The following DCAF6 variants were observed in gnomAD, a reference collection of about 807,000 sequenced individuals.
DCAF6 encodes DDB1- and CUL4-associated factor 6.
In DCAF6, 54 loss-of-function variants were observed where a neutral mutation model predicts 125.1. The observed-to-expected ratio is 0.43, with a 90% CI of 0.35 to 0.54. The LOEUF is 0.54. DCAF6 is among the 20% of genes least tolerant of loss of function. DCAF6 has a pLI of 0.01. For missense variants in DCAF6, 934 were observed against 1,161.7 expected, an observed-to-expected ratio of 0.80 and a Z score of 2.85; for synonymous variants, 371 against 390.4, an observed-to-expected ratio of 0.95 and a Z score of 0.58.
chr1:168,019,045 CTCTT>C (rs1355636022), intron 11 of DCAF6, among the ~76,000 whole-genome samples: 3 of 151,584 alleles, frequency 2.0e-5, no homozygotes, highest in South Asian at 2.1e-4. Flanking sequence ...AATGTACTCT[CTCTT>C]TTTTTTTTTT....
At chr1:167,967,799 C>T (rs1374834400) in intron 3 of DCAF6, among the ~76,000 whole-genome samples, 4 of 142,314 alleles carry the variant, frequency 2.8e-5, no homozygotes, top group African/African-American at 5.2e-5. Context: ...GGTGCGATCT[C>T]GGCTTACTGC....
At position 167,937,077 on chromosome 1, in the gene DCAF6, G is replaced by T. The variant is rs540813162; in HGVS notation, c.97+69G>T. 8 of 1,384,644 alleles carry T rather than the reference G, an allele frequency of 5.8e-6. No individual in the cohort carries two copies. In the East Asian group the frequency reaches 1.4e-4, roughly 25 times the overall value. 85.8% of individuals were successfully genotyped at this position (1,384,644 alleles called of 1,614,324 possible). A position where few individuals can be genotyped will look rare whatever the true frequency, so the allele number is the denominator to read the frequency against. The stretch of plus-strand genomic sequence containing the variant: ...GAGTGGGGGAGGGGGCACGCTGCCG[G>T]GTCTGTTGGAGGTGGGACGGCGTCT... On this transcript the variant is annotated intron_variant, in intron 1 of 21. Coordinates refer to ENST00000367840, the MANE Select transcript of DCAF6 (RefSeq NM_001198956.2).
At position 167,986,562 on chromosome 1, in the gene DCAF6, G is replaced by T. The variant is rs141073015; in HGVS notation, c.439-933G>T. On this transcript the variant is annotated intron_variant, in intron 4 of 21. Transcript: ENST00000367840. ...AGGAGACAATTTTTCCATGGAGTGGGGATGGTTTTGGGTTTAAAACTGTTA... is the reference window on the plus strand; with the variant it reads ...AGGAGACAATTTTTCCATGGAGTGGTGATGGTTTTGGGTTTAAAACTGTTA... Among the ~76,000 whole-genome samples the T allele has an allele frequency of 6.2e-3, 943 of 152,316 alleles. 7 individuals are homozygous for T. Among genetic ancestry groups the T allele is most frequent in the Non-Finnish European group, 9.0e-3 (615 of 68,026 alleles).
chr1:167,987,292 C>T (rs755170315), intron 4 of DCAF6, among the ~76,000 whole-genome samples: 2 of 152,120 alleles, frequency 1.3e-5, no homozygotes, highest in Non-Finnish European at 2.9e-5. Context: ...AGTACTGAAT[C>T]ATATTAATTC....
At chr1:167,916,299 T>G in the DCAF6 span, among the ~76,000 whole-genome samples, 2 of 152,182 alleles carry the variant, frequency 1.3e-5, no homozygotes, top group Non-Finnish European at 2.9e-5. Flanking sequence ...CTCCGCCTCC[T>G]GGGTTGAAGT....
At chr1:168,056,253 T>C (rs1690765592) in intron 17 of DCAF6, 1 of 1,611,760 alleles carries the variant, frequency 6.2e-7, no homozygotes, top group Admixed American at 1.7e-5. Flanking sequence ...TACCCATTCG[T>C]GTTTCTCTGT....
In DCAF6 at chr1:167,939,619, C is replaced by A. The variant is rs1671916849; in HGVS notation, c.97+2611C>A. Among the ~76,000 whole-genome samples the A allele has an allele frequency of 2.0e-5, 3 of 152,092 alleles. No individual in the cohort carries two copies. The Middle Eastern group carries it at 0.01, about 517-fold the overall frequency. ...CTTTACTAAAAATACAAAAATTAGC[C>A]GGGAGTGGTGGCGTACGCCTGTAGT... On this transcript the variant is annotated intron_variant, in intron 1 of 21. Coordinates refer to ENST00000367840, the MANE Select transcript of DCAF6 (RefSeq NM_001198956.2).
rs114320524 is a variant in DCAF6 at position 167,949,510 on chromosome 1, C to T, written c.98-2290C>T. Among the ~76,000 whole-genome samples, 695 of 152,230 alleles carry T rather than the reference C, an allele frequency of 4.6e-3. 3 individuals are homozygous for T. Among genetic ancestry groups the T allele is most frequent in the African/African-American group, 0.016 (651 of 41,534 alleles). On this transcript the variant is annotated intron_variant, in intron 1 of 21. Transcript: ENST00000367840. ...TGCTTGATAAAAGATTTAGGTTCCC[C>T]AAGTTCAAGATTCCTCAGCTGTGAT...
rs1248463061 is a variant in DCAF6 at position 168,075,550 on chromosome 1, C to G, written c.*115C>G. 23 of 957,678 alleles carry G rather than the reference C, an allele frequency of 2.4e-5. No homozygotes were observed. The highest frequency in any genetic ancestry group is 3.4e-5 in the Non-Finnish European group (23 of 670,808). 59.3% of individuals were successfully genotyped at this position (957,678 alleles called of 1,614,324 possible). ...TAAGGTTATGGTTTTTGGAGTTTTT[C>G]CCTTTTTTTGGGATAACCTAACATT... On this transcript the variant is annotated 3_prime_UTR_variant, in exon 22 of 22. Transcript: ENST00000367840.
At chr1:168,061,428 A>G (rs913115791) in intron 17 of DCAF6, among the ~76,000 whole-genome samples, 5 of 152,132 alleles carry the variant, frequency 3.3e-5, no homozygotes, top group Admixed American at 2.0e-4. Context: ...ATCTTTCCAA[A>G]CCCTTTCTAT....
At chr1:168,008,122 A>G (rs1237351981) in intron 10 of DCAF6, among the ~76,000 whole-genome samples, 3 of 151,728 alleles carry the variant, frequency 2.0e-5, no homozygotes, top group Non-Finnish European at 4.4e-5. Flanking sequence ...GGTTCCTGCC[A>G]CCACACCCAG....
the DCAF6 span, among the ~76,000 whole-genome samples, chr1:167,900,459 T>C: frequency 3.9e-5 from 6 of 152,306 alleles, no homozygotes; most frequent in Non-Finnish European, 8.8e-5. Context: ...ATCAGACTCC[T>C]TGGGTACTAA....
At chr1:167,944,619 C>G (rs1392500810) in intron 1 of DCAF6, among the ~76,000 whole-genome samples, 1 of 152,028 alleles carries the variant, frequency 6.6e-6, no homozygotes, top group Non-Finnish European at 1.5e-5. Flanking sequence ...AATGTCTATT[C>G]ATGTGTTTTG....
intron 11 of DCAF6, among the ~76,000 whole-genome samples, chr1:168,022,509 G>A (rs1685791324): frequency 6.6e-6 from 1 of 152,048 alleles, no homozygotes; most frequent in Non-Finnish European, 1.5e-5. Flanking sequence ...CATTTTCTTT[G>A]TATAAGATCT....
chr1:167,918,232 C>G, the DCAF6 span: 1 of 1,043,176 alleles, frequency 9.6e-7, no homozygotes, highest in Non-Finnish European at 1.4e-6. Context: ...TCTAAACACA[C>G]AGTTAGCTTT....
At chr1:168,067,876 G>C (rs775725220) in intron 20 of DCAF6, among the ~76,000 whole-genome samples, 23 of 152,036 alleles carry the variant, frequency 1.5e-4, no homozygotes, top group Non-Finnish European at 3.4e-4. Context: ...GGTACTTAAG[G>C]CTCAGTTTCT....
chr1:167,903,650 T>C, the DCAF6 span, among the ~76,000 whole-genome samples: 4 of 152,196 alleles, frequency 2.6e-5, no homozygotes, highest in Non-Finnish European at 4.4e-5. Flanking sequence ...CAGTGTATAA[T>C]TCAGCCCTCT....
chr1:167,889,671 G>A, the DCAF6 span, among the ~76,000 whole-genome samples: 1 of 152,258 alleles, frequency 6.6e-6, no homozygotes, highest in African/African-American at 2.4e-5. Context: ...CAAGTCTTTG[G>A]TAGAATTCAG....
intron 9 of DCAF6, 82 bp from the exon 10 acceptor site, chr1:168,004,451 T>C: frequency 1.5e-6 from 2 of 1,347,590 alleles, no homozygotes; most frequent in South Asian, 2.7e-5. Context: ...AATATAAATG[T>C]GTTTTCTGAG....
Sources: allele counts gnomAD v4.1 joint callset (sites outside exome capture counted in the v4.1 genomes callset), GRCh38; gene constraint gnomAD v4.1.1; transcripts MANE v1.5; gene names NCBI Gene and HGNC (gene_info 2026-07-23, HGNC 2026-07-21).